Variants in PRKN observed in about 807,000 individuals in gnomAD.
PRKN encodes parkin RBR E3 ubiquitin protein ligase.
Under a neutral mutation model 59.5 loss-of-function variants are expected in PRKN, and 56 were observed. The observed-to-expected ratio is 0.94, with a 90% CI of 0.76 to 1.18. The LOEUF is 1.18. Among genes scored for constraint, PRKN ranks in the 50% most tolerant of loss-of-function variants. PRKN has a pLI of 0.00. For synonymous variants in PRKN, 250 were observed against 222.1 expected, an observed-to-expected ratio of 1.13 and a Z score of -1.12; for missense variants, 657 against 596.4, an observed-to-expected ratio of 1.10 and a Z score of -1.06.
In PRKN at chr6:161,901,610, C is replaced by T. The variant is rs192416275; in HGVS notation, c.734+71692G>A. 3.9e-5 allele frequency among the ~76,000 whole-genome samples: 6 copies of T among 152,262 alleles called. No individual in the cohort carries two copies. In the East Asian group the frequency reaches 9.6e-4, roughly 24 times the overall value. On this transcript the variant is annotated intron_variant, in intron 6 of 11. Coordinates refer to ENST00000366898, the MANE Select transcript of PRKN (RefSeq NM_004562.3). ...TTTTTGGTCTGGCATACAGAAACAACGGCATTCAGACAACAGATTACAAAC... is the reference window on the plus strand; with the variant it reads ...TTTTTGGTCTGGCATACAGAAACAATGGCATTCAGACAACAGATTACAAAC...
rs1780634128 is a variant in PRKN at position 161,566,135 on chromosome 6, T to C, written c.933+3220A>G. ...TCATTTCTTTGCTTTCCTCTTCAGC[T>C]AAGTTCCCAGTTGCCAAAATTAAAA... On this transcript the variant is annotated intron_variant, in intron 8 of 11. Transcript: ENST00000366898. This position sits in a 1 kb window ranked among gnomAD's most constrained non-coding sequence, Gnocchi z 4.1. Among the ~76,000 whole-genome samples, 1 of 152,226 alleles carries C rather than the reference T, an allele frequency of 6.6e-6. No homozygotes were observed. Among genetic ancestry groups the C allele is most frequent in the South Asian group, 2.1e-4 (1 of 4,830 alleles).
chr6:161,402,291 T>C lies in PRKN; in HGVS notation c.1084-15414A>G, dbSNP rs1306077793. 6.6e-6 allele frequency among the ~76,000 whole-genome samples: 1 copy of C among 152,146 alleles called. No homozygotes were observed. Among genetic ancestry groups the C allele is most frequent in the Non-Finnish European group, 1.5e-5 (1 of 68,038 alleles). On this transcript the variant is annotated intron_variant, in intron 9 of 11. Coordinates refer to ENST00000366898, the MANE Select transcript of PRKN (RefSeq NM_004562.3). The surrounding 1 kb of genome is among the most constrained non-coding windows in gnomAD (Gnocchi z 4.5). Reference sequence around the variant, plus strand: ...GAAATTATAAAATAAAACCCAGACTTATAAGACTCTTCCCCTGCCTAAGTT... The same window carrying C: ...GAAATTATAAAATAAAACCCAGACTCATAAGACTCTTCCCCTGCCTAAGTT...
intron 2 of PRKN, among the ~76,000 whole-genome samples, chr6:162,271,916 T>C (rs1326411719): frequency 1.3e-5 from 2 of 152,208 alleles, no homozygotes; most frequent in Admixed American, 6.5e-5. Flanking sequence ...AAAAATATTA[T>C]GCTGTGTAAA....
intron 2 of PRKN, among the ~76,000 whole-genome samples, chr6:162,310,692 T>C (rs1228451493): frequency 6.6e-6 from 1 of 151,928 alleles, no homozygotes; most frequent in Non-Finnish European, 1.5e-5. Context: ...CATGTATACA[T>C]ATGTAACAAA....
intron 9 of PRKN, among the ~76,000 whole-genome samples, chr6:161,469,297 C>CT (rs1268977134): frequency 6.6e-6 from 1 of 152,194 alleles, no homozygotes; most frequent in African/African-American, 2.4e-5. Flanking sequence ...CACCCATTCT[C>CT]TCTCCTGCCA....
intron 1 of PRKN, among the ~76,000 whole-genome samples, chr6:162,668,927 T>C (rs376670081): frequency 1.1e-4 from 17 of 152,294 alleles, no homozygotes; most frequent in South Asian, 1.0e-3. Context: ...GTGGTGGTGG[T>C]AACGATGTAT....
intron 9 of PRKN, among the ~76,000 whole-genome samples, chr6:161,507,531 T>G (rs1331522440): frequency 2.6e-5 from 4 of 152,166 alleles, no homozygotes; most frequent in African/African-American, 9.7e-5. Flanking sequence ...TAACTAGCAT[T>G]CCACTGGTCA....
chr6:162,586,619 G>T (rs535567041), intron 1 of PRKN, among the ~76,000 whole-genome samples: 1 of 152,096 alleles, frequency 6.6e-6, no homozygotes, highest in East Asian at 1.9e-4. Context: ...AATCTACCAC[G>T]AGGGGCTATA....
At chr6:161,936,025 T>C (rs994499106) in intron 6 of PRKN, among the ~76,000 whole-genome samples, 3 of 152,092 alleles carry the variant, frequency 2.0e-5, no homozygotes, top group South Asian at 2.1e-4. Flanking sequence ...GAGCTTTCAA[T>C]GGAAATTTTA....
At chr6:162,189,092 T>C (rs1421595982) in intron 4 of PRKN, among the ~76,000 whole-genome samples, 3 of 151,872 alleles carry the variant, frequency 2.0e-5, no homozygotes, top group Non-Finnish European at 2.9e-5. Context: ...TAGGAGGGAA[T>C]TGAGATTAGA....
chr6:162,549,538 C>T (rs1434203613), intron 1 of PRKN, among the ~76,000 whole-genome samples: 4 of 152,028 alleles, frequency 2.6e-5, no homozygotes, highest in East Asian at 1.9e-4. Context: ...TTTCTACACA[C>T]GTTTGCAAAG....
intron 1 of PRKN, among the ~76,000 whole-genome samples, chr6:162,561,478 C>A (rs753270394): frequency 2.0e-5 from 3 of 152,070 alleles, no homozygotes; most frequent in African/African-American, 7.2e-5. Context: ...AGGAAAAACA[C>A]CTTCTTAAGA....
At chr6:162,015,489 G>T (rs529147038) in intron 5 of PRKN, among the ~76,000 whole-genome samples, 61 of 152,268 alleles carry the variant, frequency 4.0e-4, no homozygotes, top group Non-Finnish European at 6.6e-4. Flanking sequence ...CCCGTTCAAG[G>T]TCCAGTTTCA....
intron 6 of PRKN, among the ~76,000 whole-genome samples, chr6:161,859,391 T>G (rs1583258520): frequency 6.6e-6 from 1 of 151,676 alleles, no homozygotes; most frequent in South Asian, 2.1e-4. Context: ...GATCACAAGG[T>G]CAGGAGATCG....
chr6:161,622,902 C>T (rs1310784489), intron 7 of PRKN, among the ~76,000 whole-genome samples: 1 of 152,200 alleles, frequency 6.6e-6, no homozygotes, highest in Non-Finnish European at 1.5e-5. Context: ...CTACATCAAA[C>T]CTATGCAGTT....
chr6:161,985,872 T>G (rs745534594), intron 5 of PRKN, among the ~76,000 whole-genome samples: 1 of 152,156 alleles, frequency 6.6e-6, no homozygotes, highest in Non-Finnish European at 1.5e-5. Flanking sequence ...TGGTTTGAGC[T>G]CAGCAGGATC....
At chr6:162,203,897 A>C (rs1338975051) in intron 3 of PRKN, among the ~76,000 whole-genome samples, 5 of 152,146 alleles carry the variant, frequency 3.3e-5, no homozygotes, top group African/African-American at 9.7e-5. Context: ...GTAAGTTTTG[A>C]AACATAGAGA....
chr6:162,305,112 G>C (rs9456761), intron 2 of PRKN, among the ~76,000 whole-genome samples: 18,782 of 152,052 alleles, frequency 0.12, 2,484 homozygotes, highest in African/African-American at 0.34. Context: ...ACTGGGAGCA[G>C]AAGTGGAAAG....
intron 9 of PRKN, among the ~76,000 whole-genome samples, chr6:161,522,336 A>G (rs1214294348): frequency 6.6e-6 from 1 of 152,194 alleles, no homozygotes; most frequent in Admixed American, 6.5e-5. Context: ...ACAAGTGGTG[A>G]GGACAAGCGA....
Sources: gnomAD v4.1 joint callset for allele counts (sites outside exome capture counted in the v4.1 genomes callset) on GRCh38, gnomAD v4.1.1 for gene constraint, Gnocchi (gnomAD v3.1) non-coding constraint, MANE v1.5 for transcripts, NCBI Gene and HGNC (gene_info 2026-07-23, HGNC 2026-07-21) for gene names.